Variants in GLIPR1 observed in about 807,000 individuals in gnomAD.
The protein encoded by GLIPR1 is GLI pathogenesis related 1, also known as glioma pathogenesis-related protein 1.
Under a neutral mutation model 30.3 loss-of-function variants are expected in GLIPR1, and 38 were observed. That is an observed-to-expected ratio of 1.26 (90% CI 0.97 to 1.65). The LOEUF (loss-of-function observed/expected upper bound fraction) is 1.65, where lower values mean the gene tolerates loss of function less well. Ranked by LOEUF, GLIPR1 falls within the 40% of genes most tolerant of loss-of-function variation. The probability of loss-of-function intolerance (pLI) is 0.00; values close to 1 mark genes in which losing one functional copy is unlikely to be tolerated. For synonymous variants in GLIPR1, 122 were observed against 110.6 expected, an observed-to-expected ratio of 1.10 and a Z score of -0.65; for missense variants, 285 against 326.5, an observed-to-expected ratio of 0.87 and a Z score of 0.98.
In GLIPR1 at chr12:75,501,728, TTAGGTTTCACAA is replaced by T; in HGVS notation, c.*2752_*2763del. ...TACATCATAGAAAGCATTACCTTCC[TTAGGTTTCACAA>T]TTGGTTTTTCCTTAGGTGGAATAAA... On this transcript the variant is annotated 3_prime_UTR_variant, in exon 6 of 6. Coordinates refer to ENST00000266659, the MANE Select transcript of GLIPR1 (RefSeq NM_006851.3). 6.3e-7 allele frequency: 1 copy of T among 1,598,014 alleles called. No individual in the cohort carries two copies. Among genetic ancestry groups the T allele is most frequent in the Non-Finnish European group, 8.6e-7 (1 of 1,167,046 alleles).
In GLIPR1 at chr12:75,499,610, ATATACCAC is replaced by A. The variant is rs1455197215; in HGVS notation, c.*634_*641del. The A allele has an allele frequency of 7.9e-4, 264 of 332,814 alleles. 3 individuals carry two copies. Among genetic ancestry groups the A allele is most frequent in the African/African-American group, 5.2e-3 (240 of 46,366 alleles). The allele number at this position is 332,814 out of a possible 1,614,324, so 20.6% of individuals were successfully genotyped here. On this transcript the variant is annotated 3_prime_UTR_variant, in exon 6 of 6. Coordinates refer to ENST00000266659, the MANE Select transcript of GLIPR1 (RefSeq NM_006851.3). ...ATGGTCGTAATGTATACAAAGACTT[ATATACCAC>A]TTTCTCGTATAAATTTTTCAAAAAA...
At chr12:75,496,674 C>CT (rs2046353546) in intron 4 of GLIPR1, 1 of 152,208 alleles carries the variant, frequency 6.6e-6, no homozygotes, top group African/African-American at 2.4e-5. Flanking sequence ...AGCAGCCGGG[C>CT]TAGAGTAGGG....
At chr12:75,485,324 G>T (rs1057267367) in intron 2 of GLIPR1, among the ~76,000 whole-genome samples, 2 of 152,116 alleles carry the variant, frequency 1.3e-5, no homozygotes, top group African/African-American at 4.8e-5. Context: ...AAAAATGTTG[G>T]TGTATAAAAT....
At position 75,499,935 on chromosome 12, in the gene GLIPR1, T is replaced by A; in HGVS notation, c.*957T>A. The A allele has an allele frequency of 6.2e-7, 1 of 1,601,888 alleles. No homozygotes were observed. On this transcript the variant is annotated 3_prime_UTR_variant, in exon 6 of 6. Transcript: ENST00000266659. ...TTTCCTTGATGCTGGCCACATCAAT[T>A]TTAGTTTCAGTAGAAGCTAGACAAA... is the stretch of plus-strand genomic sequence containing the variant.
At chr12:75,487,594 G>C in intron 2 of GLIPR1, 1 of 343,046 alleles carries the variant, frequency 2.9e-6, no homozygotes, top group Non-Finnish European at 5.9e-6. Context: ...ACCCTCTCCA[G>C]TTGCCAAACC....
intron 2 of GLIPR1, among the ~76,000 whole-genome samples, chr12:75,482,321 C>T (rs140096887): frequency 6.6e-6 from 1 of 152,292 alleles, no homozygotes; most frequent in East Asian, 1.9e-4. Context: ...CCTGTAACAG[C>T]TATTCTCCCA....
intron 2 of GLIPR1, chr12:75,489,888 C>T (rs1013793113): frequency 6.5e-6 from 1 of 152,882 alleles, no homozygotes; most frequent in African/African-American, 2.4e-5. Flanking sequence ...CCTTTGACCT[C>T]ACTGCTTACA....
rs2120582043 is a variant in GLIPR1 at position 75,499,384 on chromosome 12, C to T, written c.*406C>T. ...CTGTCTTTTTGGTTTACTACTTCCC[C>T]AGATTCAGAACAGAGGAGTAACTAG... On this transcript the variant is annotated 3_prime_UTR_variant, in exon 6 of 6. Transcript: ENST00000266659. The T allele has an allele frequency of 6.2e-6, 1 of 161,014 alleles. No individual in the cohort carries two copies. The highest frequency in any genetic ancestry group is 2.0e-4 in the South Asian group (1 of 5,084). 10.0% of individuals were successfully genotyped at this position (161,014 alleles called of 1,614,324 possible). A position where few individuals can be genotyped will look rare whatever the true frequency, so the allele number is the denominator to read the frequency against.
intron 4 of GLIPR1, 92 bp from the exon 5 acceptor site, chr12:75,498,602 G>A (rs2046366480): frequency 1.0e-6 from 1 of 999,350 alleles, no homozygotes; most frequent in Non-Finnish European, 1.6e-6. Context: ...GCAAGTTAAT[G>A]GTCATAATTA....
intron 1 of GLIPR1, chr12:75,481,277 C>T (rs2046269110): frequency 2.7e-6 from 1 of 368,344 alleles, no homozygotes; most frequent in Non-Finnish European, 4.9e-6. Flanking sequence ...TCTTTGGACA[C>T]TTCCTGTTTT....
chr12:75,498,395 TTTTA>T (rs1322986337), intron 4 of GLIPR1: 1 of 222,034 alleles, frequency 4.5e-6, no homozygotes, highest in South Asian at 1.3e-4. Context: ...AATATTTAAT[TTTTA>T]TTTTTTAAAT....
Position 75,499,797 on chromosome 12 carries a change from G to GTTTTGGGTATGTTACTTT in GLIPR1, c.*824_*841dup. 1 of 1,587,836 alleles carries GTTTTGGGTATGTTACTTT rather than the reference G, an allele frequency of 6.3e-7. No individual in the cohort carries two copies. Among genetic ancestry groups the GTTTTGGGTATGTTACTTT allele is most frequent in the Non-Finnish European group, 8.6e-7 (1 of 1,168,950 alleles). On this transcript the variant is annotated 3_prime_UTR_variant, in exon 6 of 6. Coordinates refer to ENST00000266659, the MANE Select transcript of GLIPR1 (RefSeq NM_006851.3). ...AAAAGGAGATAGTTCTAGTCAAGGA[G>GTTTTGGGTATGTTACTTT]TTTTGGGTATGTTACTTTTTTTTCT...
At chr12:75,490,978 A>G (rs978200142) in intron 3 of GLIPR1, 2 of 153,288 alleles carry the variant, frequency 1.3e-5, no homozygotes, top group Non-Finnish European at 2.9e-5. Flanking sequence ...TTTAAAACAG[A>G]TATAGTTCCC....
chr12:75,486,886 G>A (rs1011643462), intron 2 of GLIPR1, among the ~76,000 whole-genome samples: 1 of 152,082 alleles, frequency 6.6e-6, no homozygotes, highest in Non-Finnish European at 1.5e-5. Context: ...TGTGGTAGTG[G>A]CTACACAACT....
At position 75,498,928 on chromosome 12, in the gene GLIPR1, A is replaced by C. The variant is rs1340301642; in HGVS notation, c.751A>C (p.Ile251Leu). 6.2e-7 allele frequency: 1 copy of C among 1,609,200 alleles called. No homozygotes were observed. The highest frequency in any genetic ancestry group is 1.3e-5 in the African/African-American group (1 of 74,762). The change falls in exon 6 of 6, where the codon ATT (isoleucine) becomes CTT (leucine). Residue 251 changes from isoleucine (I) to leucine (L), a missense_variant. By Grantham distance (5) the Ile-to-Leu change is conservative. Coordinates refer to ENST00000266659, the MANE Select transcript of GLIPR1 (RefSeq NM_006851.3). ...AGTAATTCTAATACTGTCTGTTATA[A>C]TTACCATTTTGGTACAGCACAAGTA... is the stretch of plus-strand genomic sequence containing the variant. ...NSVILILSVIITILVQHKYPN... is the reference protein window; with the variant it reads ...NSVILILSVILTILVQHKYPN...
At chr12:75,488,409 T>C (rs1007376316) in intron 2 of GLIPR1, among the ~76,000 whole-genome samples, 2 of 152,084 alleles carry the variant, frequency 1.3e-5, no homozygotes, top group Admixed American at 1.3e-4. Context: ...TGGTGGCACA[T>C]GCCTGTAATT....
At position 75,498,989 on chromosome 12, in the gene GLIPR1, G is replaced by T; in HGVS notation, c.*11G>T. The T allele has an allele frequency of 3.9e-6, 6 of 1,524,962 alleles. No homozygotes were observed. Among genetic ancestry groups the T allele is most frequent in the Non-Finnish European group, 5.3e-6 (6 of 1,141,066 alleles). 94.5% of individuals were successfully genotyped at this position (1,524,962 alleles called of 1,614,324 possible). ...GTTCTTTTGGACTAATACAATTCAG[G>T]AAAGAAAAAACCCAAAAACCAACCT... On this transcript the variant is annotated 3_prime_UTR_variant, in exon 6 of 6. Transcript: ENST00000266659.
chr12:75,488,626 G>A (rs191063196), intron 2 of GLIPR1, among the ~76,000 whole-genome samples: 1 of 152,318 alleles, frequency 6.6e-6, no homozygotes, highest in Non-Finnish European at 1.5e-5. Flanking sequence ...GATACAGGGA[G>A]TAAATTTCAT....
At position 75,490,472 on chromosome 12, in the gene GLIPR1, G is replaced by C; in HGVS notation, c.487G>C (p.Asp163His). The C allele has an allele frequency of 6.5e-7, 1 of 1,541,602 alleles. No individual in the cohort carries two copies. The highest frequency in any genetic ancestry group is 8.8e-7 in the Non-Finnish European group (1 of 1,136,028). ...ATTTTGCCCTAAAGTTTCTGGCTTT[G>C]ACGCTCTTTCCAATGGAGCACATTT... Reference protein sequence around the residue: ...VQFCPKVSGFDALSNGAHFIC... With the variant: ...VQFCPKVSGFHALSNGAHFIC... Residue 163 changes from aspartate to histidine, a missense_variant, in exon 3 of 6, where the codon GAC becomes CAC. By Grantham distance (81) the Asp-to-His change is moderately conservative (BLOSUM62 -1). Transcript: ENST00000266659.
Sources: gnomAD v4.1 joint callset for allele counts (sites outside exome capture counted in the v4.1 genomes callset) on GRCh38, gnomAD v4.1.1 for gene constraint, MANE v1.5 for transcripts, NCBI Gene and HGNC (gene_info 2026-07-23, HGNC 2026-07-21) for gene names.